The following LRRFIP1 variants were observed in gnomAD, a reference collection of about 807,000 sequenced individuals.
The protein encoded by LRRFIP1 is LRR binding FLII interacting protein 1, also known as leucine-rich repeat flightless-interacting protein 1.
Under a neutral mutation model 104.4 loss-of-function variants are expected in LRRFIP1, and 62 were observed. The ratio of observed to expected loss-of-function variants is 0.59; its 90% CI spans 0.48 to 0.73. LRRFIP1 has a LOEUF of 0.73. Ranked by LOEUF, LRRFIP1 falls within the 30% of genes least tolerant of loss-of-function variation. LRRFIP1 has a pLI of 0.00. For synonymous variants in LRRFIP1, 300 were observed against 299.0 expected (o/e 1.00, Z -0.03); for missense variants, 796 against 824.5 (o/e 0.97, Z 0.42).
At chr2:237,669,119 T>C (rs1201438204) in intron 1 of LRRFIP1, among the ~76,000 whole-genome samples, 1 of 152,244 alleles carries the variant, frequency 6.6e-6, no homozygotes, top group East Asian at 1.9e-4. Flanking sequence ...ACTTCCGTAT[T>C]GCTGGACACT....
chr2:237,737,458 C>T (rs917346225), intron 10 of LRRFIP1, among the ~76,000 whole-genome samples: 8 of 152,286 alleles, frequency 5.3e-5, no homozygotes, highest in Middle Eastern at 3.4e-3. Flanking sequence ...TGGACCGTGG[C>T]GATATAGACT....
chr2:237,751,096 G>T, intron 13 of LRRFIP1, 104 bp from the exon 14 acceptor site: 1 of 676,144 alleles, frequency 1.5e-6, no homozygotes, highest in South Asian at 2.0e-5. Context: ...AAAGAAAATT[G>T]GGTGCTCAGA....
At chr2:237,720,685 C>G in intron 5 of LRRFIP1, 87 bp from the exon 6 acceptor site, 1 of 1,239,474 alleles carries the variant, frequency 8.1e-7, no homozygotes, top group Non-Finnish European at 1.2e-6. Context: ...GGGGTCAGTT[C>G]CCAGCATCCC....
intron 1 of LRRFIP1, among the ~76,000 whole-genome samples, chr2:237,666,785 TTC>T (rs1559501461): frequency 1.8e-5 from 1 of 57,032 alleles, no homozygotes; most frequent in Non-Finnish European, 4.0e-5. Flanking sequence ...CTCTGTCTCT[TTC>T]TTTCTCTTTC....
In LRRFIP1 at chr2:237,732,222, T is replaced by A. The variant is rs181347731; in HGVS notation, c.445-1552T>A. On this transcript the variant is annotated intron_variant, in intron 8 of 23. Transcript: ENST00000308482. ...CGTGAGTGCATGCCTGTTACTGTTT[T>A]GGTTGTATAAGGTAATCGTCTCTGA... Among the ~76,000 whole-genome samples the A allele has an allele frequency of 2.0e-4, 31 of 152,316 alleles. No individual in the cohort carries two copies. The East Asian group carries it at 5.6e-3, about 27-fold the overall frequency.
chr2:237,764,805 C>T lies in LRRFIP1; in HGVS notation c.1459+4600C>T, dbSNP rs78705581. 10,369 of 985,708 alleles carry T rather than the reference C, an allele frequency of 0.011. 731 individuals carry two copies. In the African/African-American group the frequency reaches 0.15, roughly 15 times the overall value. 61.1% of individuals were successfully genotyped at this position (985,708 alleles called of 1,614,324 possible). A position where few individuals can be genotyped will look rare whatever the true frequency, so the allele number is the denominator to read the frequency against. ...ATCTTGAACCGATACTTTTGGATCT[C>T]ATTGTTGATATACCTGAATTTACTT... is the stretch of plus-strand genomic sequence containing the variant. On this transcript the variant is annotated intron_variant, in intron 19 of 23. Transcript: ENST00000308482.
chr2:237,647,849 C>T (rs575262274), intron 1 of LRRFIP1, among the ~76,000 whole-genome samples: 2 of 152,044 alleles, frequency 1.3e-5, no homozygotes, highest in East Asian at 3.9e-4. Context: ...ACTCACTGCA[C>T]GCAGGGTTTT....
intron 1 of LRRFIP1, 120 bp downstream of exon 1, chr2:237,627,860 C>T: frequency 6.2e-6 from 4 of 643,524 alleles, no homozygotes; most frequent in Middle Eastern, 1.1e-3. Context: ...GCGTCCGGCT[C>T]CAGGCGGGTG....
chr2:237,773,474 G>A (rs868796590), intron 22 of LRRFIP1, among the ~76,000 whole-genome samples: 9 of 152,138 alleles, frequency 5.9e-5, no homozygotes, highest in Admixed American at 2.6e-4. Context: ...GGTGGCAGAG[G>A]TTGCAGTGAG....
chr2:237,777,403 T>C (rs2061179983), intron 23 of LRRFIP1, among the ~76,000 whole-genome samples: 1 of 152,232 alleles, frequency 6.6e-6, no homozygotes, highest in Non-Finnish European at 1.5e-5. Flanking sequence ...GACTTCTTGG[T>C]GGTGAATTCC....
rs1192770832 is a variant in LRRFIP1 at position 237,727,871 on chromosome 2, A to G, written c.385-5A>G. The stretch of plus-strand genomic sequence containing the variant: ...TCAGTTTTTCTCTTTTCTTCATTGA[A>G]ACAGACAAATGGTTATGATGGAGAA... On this transcript the variant is annotated splice_region_variant and splice_polypyrimidine_tract_variant and intron_variant, in intron 7 of 23. Coordinates refer to ENST00000308482, the MANE Select transcript of LRRFIP1 (RefSeq NM_001137550.2). 6.2e-7 allele frequency: 1 copy of G among 1,610,014 alleles called. No individual in the cohort carries two copies. Among genetic ancestry groups the G allele is most frequent in the East Asian group, 2.2e-5 (1 of 44,856 alleles).
At chr2:237,760,756 C>T (rs1397723011) in intron 19 of LRRFIP1, among the ~76,000 whole-genome samples, 2 of 152,136 alleles carry the variant, frequency 1.3e-5, no homozygotes, top group Non-Finnish European at 1.5e-5. Flanking sequence ...GGTGGGCAGG[C>T]GGCCGTGGTA....
intron 1 of LRRFIP1, among the ~76,000 whole-genome samples, chr2:237,697,823 C>G (rs1289606797): frequency 1.3e-5 from 2 of 151,384 alleles, no homozygotes; most frequent in Non-Finnish European, 2.9e-5. Context: ...GCCCTCGCCT[C>G]TCAGTCCCGC....
At chr2:237,712,065 G>A (rs904712193) in intron 2 of LRRFIP1, among the ~76,000 whole-genome samples, 4 of 152,190 alleles carry the variant, frequency 2.6e-5, no homozygotes, top group Non-Finnish European at 4.4e-5. Flanking sequence ...AGCCTGGGGC[G>A]GGGGGACATC....
intron 1 of LRRFIP1, among the ~76,000 whole-genome samples, chr2:237,672,653 AC>A (rs900845285): frequency 6.6e-6 from 1 of 152,252 alleles, no homozygotes; most frequent in Non-Finnish European, 1.5e-5. Flanking sequence ...AAAATATTGA[AC>A]CATTTTTTCA....
At chr2:237,658,128 CA>C (rs2087162382) in intron 1 of LRRFIP1, among the ~76,000 whole-genome samples, 2 of 152,132 alleles carry the variant, frequency 1.3e-5, no homozygotes, top group Admixed American at 1.3e-4. Context: ...GCCCAGAAAT[CA>C]ATAGCCTCCA....
intron 7 of LRRFIP1, among the ~76,000 whole-genome samples, chr2:237,724,707 A>G (rs2094674173): frequency 6.6e-6 from 1 of 152,044 alleles, no homozygotes; most frequent in East Asian, 1.9e-4. Context: ...TTTCTAGATT[A>G]TTACTCTTTT....
intron 19 of LRRFIP1, chr2:237,763,466 G>C: frequency 6.2e-7 from 1 of 1,613,280 alleles, no homozygotes; most frequent in Non-Finnish European, 8.5e-7. Context: ...CCCAGTACCC[G>C]TAGAAACCCT....
chr2:237,670,828 G>A (rs1046812323), intron 1 of LRRFIP1, among the ~76,000 whole-genome samples: 1 of 152,192 alleles, frequency 6.6e-6, no homozygotes, highest in Non-Finnish European at 1.5e-5. Context: ...GGGCCGTTAC[G>A]AGAAGCAAGC....
Sources: allele counts gnomAD v4.1 joint callset (sites outside exome capture counted in the v4.1 genomes callset), GRCh38; gene constraint gnomAD v4.1.1; transcripts MANE v1.5; gene names NCBI Gene and HGNC (gene_info 2026-07-23, HGNC 2026-07-21).